Variants in IL1RN observed in about 807,000 individuals in gnomAD.
IL1RN encodes the protein interleukin-1 receptor antagonist protein.
In IL1RN, 10 loss-of-function variants were observed where a neutral mutation model predicts 13.7. The ratio of observed to expected loss-of-function variants is 0.73; its 90% CI spans 0.45 to 1.24. The LOEUF is 1.24. IL1RN is among the 50% of genes most tolerant of loss of function. The pLI is 0.00. For missense variants in IL1RN, 213 were observed against 222.1 expected, an observed-to-expected ratio of 0.96 and a Z score of 0.26; for synonymous variants, 102 against 82.7, an observed-to-expected ratio of 1.23 and a Z score of -1.27.
chr2:113,126,448 G>A (rs757067003), upstream of IL1RN, among the ~76,000 whole-genome samples: 1 of 152,134 alleles, frequency 6.6e-6, no homozygotes, highest in African/African-American at 2.4e-5. Context: ...CCAAGCTCCC[G>A]TCCAGCTCTA....
At chr2:113,115,096 C>T (rs770847650), upstream of IL1RN, among the ~76,000 whole-genome samples, 1 of 152,128 alleles carries the variant, frequency 6.6e-6, no homozygotes, top group Non-Finnish European at 1.5e-5. Flanking sequence ...CAACTACGGT[C>T]GTAGATAAAC....
the IL1RN span, among the ~76,000 whole-genome samples, chr2:113,099,945 A>G: frequency 7.2e-6 from 1 of 138,718 alleles, no homozygotes; most frequent in African/African-American, 2.6e-5. Flanking sequence ...CGTGTTAGCC[A>G]GGATGGTCTC....
intron 3 of IL1RN, among the ~76,000 whole-genome samples, chr2:113,131,596 G>A (rs897595657): frequency 6.6e-6 from 1 of 152,078 alleles, no homozygotes; most frequent in African/African-American, 2.4e-5. Context: ...GTCACTGGGG[G>A]CCACCACTGT....
At chr2:113,120,921 T>C (rs1686750796) in intron 2 of IL1RN, among the ~76,000 whole-genome samples, 1 of 152,166 alleles carries the variant, frequency 6.6e-6, no homozygotes, top group African/African-American at 2.4e-5. Flanking sequence ...CTGGCCAGGA[T>C]CTGGAGCAAG....
chr2:113,102,632 G>A (rs1220709317), upstream of IL1RN, among the ~76,000 whole-genome samples: 1 of 152,160 alleles, frequency 6.6e-6, no homozygotes, highest in Non-Finnish European at 1.5e-5. Flanking sequence ...AAGAGAGTCA[G>A]CGAAGGGAGA....
the IL1RN span, among the ~76,000 whole-genome samples, chr2:113,102,046 T>A: frequency 6.6e-6 from 1 of 152,308 alleles, no homozygotes; most frequent in African/African-American, 2.4e-5. Flanking sequence ...GGATTACAGG[T>A]GTGAGCCACC....
At chr2:113,118,817 T>A (rs1686671670) in intron 1 of IL1RN, among the ~76,000 whole-genome samples, 1 of 152,164 alleles carries the variant, frequency 6.6e-6, no homozygotes, top group Admixed American at 6.5e-5. Context: ...TGGGTGGATC[T>A]CTTGAGGTCA....
At chr2:113,123,779 G>A (rs150057663), upstream of IL1RN, among the ~76,000 whole-genome samples, 3 of 152,292 alleles carry the variant, frequency 2.0e-5, no homozygotes, top group African/African-American at 7.2e-5. Flanking sequence ...GGCAGCCTTC[G>A]AAAGAACTGT....
upstream of IL1RN, among the ~76,000 whole-genome samples, chr2:113,114,086 G>A (rs972332357): frequency 2.6e-5 from 4 of 152,212 alleles, no homozygotes; most frequent in Non-Finnish European, 4.4e-5. Context: ...TTTGTGAGAT[G>A]TGACACAGTG....
chr2:113,113,875 G>A (rs150182372), upstream of IL1RN, among the ~76,000 whole-genome samples: 1,160 of 152,346 alleles, frequency 7.6e-3, 17 homozygotes, highest in African/African-American at 0.026. Context: ...ATGTCTGTGA[G>A]CTTTGTGGCT....
At chr2:113,099,901 AT>A in the IL1RN span, among the ~76,000 whole-genome samples, 7 of 142,710 alleles carry the variant, frequency 4.9e-5, no homozygotes, top group East Asian at 1.5e-3. Context: ...CGCCCGGCTA[AT>A]TTTTTGTATT....
At chr2:113,126,995 G>T (rs937180519), upstream of IL1RN, among the ~76,000 whole-genome samples, 2 of 152,198 alleles carry the variant, frequency 1.3e-5, no homozygotes, top group African/African-American at 4.8e-5. Context: ...TCCATTCCCC[G>T]CTTTTGCAAA....
At chr2:113,100,727 C>G in the IL1RN span, among the ~76,000 whole-genome samples, 1 of 152,192 alleles carries the variant, frequency 6.6e-6, no homozygotes, top group South Asian at 2.1e-4. Flanking sequence ...GTAATCACCA[C>G]ATATTCATGC....
At chr2:113,120,054 C>T (rs769634027) in intron 1 of IL1RN, 7 of 1,611,190 alleles carry the variant, frequency 4.3e-6, no homozygotes, top group Admixed American at 3.3e-5. Flanking sequence ...GGTCCCACCA[C>T]TTCCCTTACA....
chr2:113,120,088 TGGA>T (rs1558863700), exon 2 of IL1RN: 3 of 1,611,630 alleles, frequency 1.9e-6, no homozygotes, highest in Admixed American at 3.3e-5. Flanking sequence ...AAGAAGGAGG[TGGA>T]GGAGGAGGAG....
At chr2:113,132,385 T>C (rs542909096) in intron 3 of IL1RN, among the ~76,000 whole-genome samples, 41 of 151,888 alleles carry the variant, frequency 2.7e-4, no homozygotes, top group Non-Finnish European at 5.2e-4. Context: ...GAGGTGGAGG[T>C]TGCAGTGAGC....
chr2:113,105,965 C>T (rs990769442), upstream of IL1RN, among the ~76,000 whole-genome samples: 1 of 152,178 alleles, frequency 6.6e-6, no homozygotes, highest in African/African-American at 2.4e-5. Context: ...GAACAAGAGC[C>T]TATTGCTGGC....
chr2:113,125,672 T>C (rs1686929517), upstream of IL1RN, among the ~76,000 whole-genome samples: 1 of 152,274 alleles, frequency 6.6e-6, no homozygotes, highest in Non-Finnish European at 1.5e-5. Flanking sequence ...AGAAAGATTC[T>C]GATTTGTTGG....
intron 3 of IL1RN, among the ~76,000 whole-genome samples, chr2:113,131,977 C>T (rs1687186626): frequency 6.6e-6 from 1 of 152,188 alleles, no homozygotes; most frequent in Non-Finnish European, 1.5e-5. Context: ...ATGGAACACA[C>T]CACCACCCCA....
Sources: gnomAD v4.1 joint callset for allele counts (sites outside exome capture counted in the v4.1 genomes callset) on GRCh38, gnomAD v4.1.1 for gene constraint, MANE v1.5 for transcripts, NCBI Gene and HGNC (gene_info 2026-07-23, HGNC 2026-07-21) for gene names.